Variants in NTSR1 observed in about 807,000 individuals in gnomAD.
The protein encoded by NTSR1 is neurotensin receptor type 1.
A neutral mutation model predicts 31.2 loss-of-function variants in NTSR1; 29 were observed. The ratio of observed to expected loss-of-function variants is 0.93; its 90% CI spans 0.69 to 1.27. The LOEUF is 1.27. Among genes scored for constraint, NTSR1 ranks in the 50% most tolerant of loss-of-function variants. The pLI is 0.00. For synonymous variants in NTSR1, 282 were observed against 269.9 expected (o/e 1.04, Z -0.44); for missense variants, 697 against 595.4 (o/e 1.17, Z -1.78).
rs1368944510 is a variant in NTSR1, at chr20:62,744,296, T to G, written c.715-10389T>G. Among the ~76,000 whole-genome samples the G allele has an allele frequency of 6.6e-6, 1 of 152,184 alleles. No homozygotes were observed. The highest frequency in any genetic ancestry group is 1.5e-5 in the Non-Finnish European group (1 of 68,048). On this transcript the variant is annotated intron_variant, in intron 1 of 3. Coordinates refer to ENST00000370501, the MANE Select transcript of NTSR1 (RefSeq NM_002531.3). This position sits in a 1 kb window ranked among gnomAD's most constrained non-coding sequence, Gnocchi z 4.1. ...GGGGCTGGACGCAGTGGCTCGTGTT[T>G]GTAATCCCAGCACTTTGGGAGGCCG...
chr20:62,735,836 C>T (rs769079439), intron 1 of NTSR1, among the ~76,000 whole-genome samples: 96 of 152,122 alleles, frequency 6.3e-4, no homozygotes, highest in Non-Finnish European at 1.0e-3. Context: ...GTGCAGGGGG[C>T]GGGAGCAGCC....
rs1014564079 is a variant in NTSR1, at chr20:62,745,828, G to A, written c.715-8857G>A. 9.2e-5 allele frequency among the ~76,000 whole-genome samples: 14 copies of A among 152,190 alleles called. 1 individual carries two copies. Among genetic ancestry groups the A allele is most frequent in the Admixed American group, 1.3e-4 (2 of 15,284 alleles). On this transcript the variant is annotated intron_variant, in intron 1 of 3. Coordinates refer to ENST00000370501, the MANE Select transcript of NTSR1 (RefSeq NM_002531.3). The surrounding 1 kb of genome is among the most constrained non-coding windows in gnomAD (Gnocchi z 4.1). The stretch of plus-strand genomic sequence containing the variant: ...GCTGCTTGGAATTGCAAAGCCAGGC[G>A]GTCTGGGAGTCCCAGCCACCACGCG...
In NTSR1 at chr20:62,744,140, C is replaced by T. The variant is rs73313181; in HGVS notation, c.715-10545C>T. Among the ~76,000 whole-genome samples, 1,910 of 152,302 alleles carry T rather than the reference C, an allele frequency of 0.013. 47 individuals are homozygous for T. Among genetic ancestry groups the T allele is most frequent in the African/African-American group, 0.043 (1,782 of 41,546 alleles). On this transcript the variant is annotated intron_variant, in intron 1 of 3. Transcript: ENST00000370501. The surrounding 1 kb of genome is among the most constrained non-coding windows in gnomAD (Gnocchi z 4.1). ...CCACCAGCCGTCGCCCCAGCGTGTCCCATCCCAGCCTCCCAAGCCGCAGTC... is the reference window on the plus strand; with the variant it reads ...CCACCAGCCGTCGCCCCAGCGTGTCTCATCCCAGCCTCCCAAGCCGCAGTC...
chr20:62,748,480 T>C (rs1989340451), intron 1 of NTSR1, among the ~76,000 whole-genome samples: 1 of 152,116 alleles, frequency 6.6e-6, no homozygotes, highest in African/African-American at 2.4e-5. Context: ...AAAGCAACAT[T>C]AAGAAAGAGG....
At position 62,744,321 on chromosome 20, in the gene NTSR1, G is replaced by A. The variant is rs144403683; in HGVS notation, c.715-10364G>A. On this transcript the variant is annotated intron_variant, in intron 1 of 3. Coordinates refer to ENST00000370501, the MANE Select transcript of NTSR1 (RefSeq NM_002531.3). This position sits in a 1 kb window ranked among gnomAD's most constrained non-coding sequence, Gnocchi z 4.1. ...TGTAATCCCAGCACTTTGGGAGGCC[G>A]AGGTGGGCGGGTCATGAGGTCAGGA... 3.4e-3 allele frequency among the ~76,000 whole-genome samples: 512 copies of A among 152,292 alleles called. 6 individuals are homozygous for A. The highest frequency in any genetic ancestry group is 0.012 in the African/African-American group (491 of 41,558).
At position 62,739,233 on chromosome 20, in the gene NTSR1, CT is replaced by C. The variant is rs569242226; in HGVS notation, c.715-15451del. Among the ~76,000 whole-genome samples, 29 of 152,360 alleles carry C rather than the reference CT, an allele frequency of 1.9e-4. No individual in the cohort carries two copies. The South Asian group carries it at 5.4e-3, about 28-fold the overall frequency. On this transcript the variant is annotated intron_variant, in intron 1 of 3. Transcript: ENST00000370501. Reference sequence around the variant, plus strand: ...CTCTGGCTGTGCTTGACCCTGGCCCCTGGGCCCTCTTGGTTCACCAAGTCTC... The same window carrying C: ...CTCTGGCTGTGCTTGACCCTGGCCCCGGGCCCTCTTGGTTCACCAAGTCTC...
intron 1 of NTSR1, among the ~76,000 whole-genome samples, chr20:62,751,399 A>G (rs2147146674): frequency 6.6e-6 from 1 of 152,328 alleles, no homozygotes; most frequent in Non-Finnish European, 1.5e-5. Context: ...TTATCCCTTA[A>G]GAAAAGGAAT....
At chr20:62,754,607 C>G (rs1989447486) in intron 1 of NTSR1, 78 bp from the exon 2 acceptor site, 2 of 1,200,968 alleles carry the variant, frequency 1.7e-6, no homozygotes, top group Non-Finnish European at 2.4e-6. Context: ...ACACCCCAAT[C>G]AGCACGGCAG....
At chr20:62,750,622 C>T (rs1399009724) in intron 1 of NTSR1, among the ~76,000 whole-genome samples, 6 of 137,682 alleles carry the variant, frequency 4.4e-5, no homozygotes, top group Non-Finnish European at 6.1e-5. Flanking sequence ...ACCCGGGAGG[C>T]GGAGATTGCA....
intron 1 of NTSR1, among the ~76,000 whole-genome samples, chr20:62,725,197 C>T (rs1207994796): frequency 6.6e-6 from 1 of 152,204 alleles, no homozygotes; most frequent in Non-Finnish European, 1.5e-5. Flanking sequence ...AGGGGAGGAA[C>T]AGGAAGGGGC....
intron 1 of NTSR1, among the ~76,000 whole-genome samples, chr20:62,749,809 A>G (rs963897252): frequency 5.9e-5 from 9 of 152,158 alleles, no homozygotes; most frequent in Admixed American, 2.0e-4. Flanking sequence ...TGGTGGGGAC[A>G]ATGTGGCGAA....
rs79518265 is a variant in NTSR1 at position 62,754,951 on chromosome 20, T to G, written c.916+65T>G. 918 of 1,437,608 alleles carry G rather than the reference T, an allele frequency of 6.4e-4. 7 individuals carry two copies. In the African/African-American group the frequency reaches 0.012, roughly 18 times the overall value. 89.1% of individuals were successfully genotyped at this position (1,437,608 alleles called of 1,614,324 possible). On this transcript the variant is annotated intron_variant, in intron 2 of 3. Coordinates refer to ENST00000370501, the MANE Select transcript of NTSR1 (RefSeq NM_002531.3). Reference sequence around the variant, plus strand: ...CAGGGCTAGCAAAGGCAGCGAGCGCTGAACCACCCCAAGCCTGGGCAAGGT... The same window carrying G: ...CAGGGCTAGCAAAGGCAGCGAGCGCGGAACCACCCCAAGCCTGGGCAAGGT...
Position 62,709,485 on chromosome 20 carries a change from C to G in NTSR1, c.278C>G (p.Ser93Trp). 6.2e-7 allele frequency: 1 copy of G among 1,612,612 alleles called. No individual in the cohort carries two copies. The highest frequency in any genetic ancestry group is 1.1e-5 in the South Asian group (1 of 91,082). ...VTAFTLARKK[S>W]LQSLQSTVHY... ...GCGTTCACGCTGGCGCGGAAGAAGT[C>G]GCTGCAGAGCCTGCAGAGCACGGTG... Residue 93 changes from serine to tryptophan, a missense_variant, in exon 1 of 4, where the codon TCG (serine) becomes TGG (tryptophan). Transcript: ENST00000370501.
intron 1 of NTSR1, among the ~76,000 whole-genome samples, chr20:62,718,007 G>A (rs6062458): frequency 0.65 from 99,420 of 151,970 alleles, 35,533 homozygotes; most frequent in East Asian, 0.94. Context: ...GTGGGCGTCG[G>A]GGAAGATGCC....
At chr20:62,731,664 G>A (rs1269679818) in intron 1 of NTSR1, among the ~76,000 whole-genome samples, 1 of 152,046 alleles carries the variant, frequency 6.6e-6, no homozygotes, top group South Asian at 2.1e-4. Context: ...TTTTCTACAT[G>A]TGGATGTCAG....
rs1216688718 is a variant in NTSR1 at position 62,743,141 on chromosome 20, C to G, written c.715-11544C>G. On this transcript the variant is annotated intron_variant, in intron 1 of 3. Transcript: ENST00000370501. This position sits in a 1 kb window ranked among gnomAD's most constrained non-coding sequence, Gnocchi z 7.5. ...GAGCCGCCCCTGCTGGACACGTATC[C>G]CGGCCATCTCAGGCCCACCCATTGC... Among the ~76,000 whole-genome samples the G allele has an allele frequency of 6.7e-6, 1 of 149,358 alleles. No individual in the cohort carries two copies. Among genetic ancestry groups the G allele is most frequent in the Non-Finnish European group, 1.5e-5 (1 of 68,008 alleles).
At chr20:62,727,412 C>T (rs1600723402) in intron 1 of NTSR1, among the ~76,000 whole-genome samples, 1 of 152,328 alleles carries the variant, frequency 6.6e-6, no homozygotes, top group African/African-American at 2.4e-5. Flanking sequence ...ACACTGAAAA[C>T]ACACAGGCTG....
Position 62,711,542 on chromosome 20 carries a change from A to G in NTSR1, c.714+1621A>G, listed in dbSNP as rs1600716374. On this transcript the variant is annotated intron_variant, in intron 1 of 3. Coordinates refer to ENST00000370501, the MANE Select transcript of NTSR1 (RefSeq NM_002531.3). This position sits in a 1 kb window ranked among gnomAD's most constrained non-coding sequence, Gnocchi z 6.4. ...CCACCCAGGAGATGCCCCCACTCAGACCCCGGATCCCCCCACTCAGACCCC... is the reference window on the plus strand; with the variant it reads ...CCACCCAGGAGATGCCCCCACTCAGGCCCCGGATCCCCCCACTCAGACCCC... Among the ~76,000 whole-genome samples the G allele has an allele frequency of 8.1e-6, 1 of 123,008 alleles. No individual in the cohort carries two copies. The highest frequency in any genetic ancestry group is 7.9e-5 in the Admixed American group (1 of 12,658). The allele number at this position is 123,008 out of a possible 152,430, so 80.7% of individuals were successfully genotyped here.
intron 1 of NTSR1, chr20:62,735,308 C>G (rs1989071317): frequency 7.0e-6 from 1 of 142,122 alleles, no homozygotes; most frequent in South Asian, 2.1e-4. Context: ...TTCCCACAGC[C>G]AGGGATGTGG....
Sources: allele counts gnomAD v4.1 joint callset (sites outside exome capture counted in the v4.1 genomes callset), GRCh38; gene constraint gnomAD v4.1.1; non-coding constraint Gnocchi (gnomAD v3.1); transcripts MANE v1.5; gene names NCBI Gene and HGNC (gene_info 2026-07-23, HGNC 2026-07-21).